The following UNG variants were observed in gnomAD, a reference collection of about 807,000 sequenced individuals.
The protein encoded by UNG is uracil DNA glycosylase, also known as uracil-DNA glycosylase.
In UNG, 34 loss-of-function variants were observed where a neutral mutation model predicts 36.5. The ratio of observed to expected loss-of-function variants is 0.93; its 90% CI spans 0.71 to 1.24. The LOEUF is 1.24. Ranked by LOEUF, UNG falls within the 50% of genes most tolerant of loss-of-function variation. The pLI, the probability that UNG is intolerant of heterozygous loss-of-function variation, is 0.00. For synonymous variants in UNG, 172 were observed against 157.8 expected, an observed-to-expected ratio of 1.09 and a Z score of -0.67; for missense variants, 391 against 397.6, an observed-to-expected ratio of 0.98 and a Z score of 0.14.
intron 6 of UNG, among the ~76,000 whole-genome samples, chr12:109,104,135 G>A (rs1593322630): frequency 6.6e-6 from 1 of 151,332 alleles, no homozygotes; most frequent in East Asian, 1.9e-4. Flanking sequence ...TGCAACCTCC[G>A]CCTGCTGGGT....
chr12:109,102,995 A>C (rs1247590910), intron 5 of UNG, 68 bp downstream of exon 5: 8 of 1,159,826 alleles, frequency 6.9e-6, no homozygotes, highest in African/African-American at 3.5e-5. Context: ...TCTGTTGCCC[A>C]GGCTAGAGTG....
At chr12:109,104,054 G>GATTTTTT (rs2042198780) in intron 6 of UNG, among the ~76,000 whole-genome samples, 2 of 107,102 alleles carry the variant, frequency 1.9e-5, no homozygotes, top group African/African-American at 4.0e-5. Flanking sequence ...TTTGTTTCTG[G>GATTTTTT]GTTTTTTGTT....
chr12:109,106,447 G>A (rs897477539), intron 6 of UNG, among the ~76,000 whole-genome samples: 7 of 151,852 alleles, frequency 4.6e-5, no homozygotes, highest in Admixed American at 1.3e-4. Flanking sequence ...TGATTTGTTC[G>A]TTAGTTTTTA....
At chr12:109,098,275 G>A in intron 1 of UNG, 157 bp from the exon 2 acceptor site, 3 of 1,534,304 alleles carry the variant, frequency 2.0e-6, no homozygotes, top group Non-Finnish European at 1.7e-6. Context: ...TTCCCGGACC[G>A]GGCCCAGCCC....
chr12:109,102,472 G>GAA (rs777944770), intron 4 of UNG, among the ~76,000 whole-genome samples: 9 of 135,774 alleles, frequency 6.6e-5, no homozygotes, highest in East Asian at 2.1e-4. Context: ...AGCAAGACTG[G>GAA]AAAAAAAAAA....
chr12:109,109,989 C>T lies in UNG; in HGVS notation c.*20C>T, dbSNP rs1333598084. On this transcript the variant is annotated 3_prime_UTR_variant, in exon 7 of 7. Transcript: ENST00000242576. Reference sequence around the variant, plus strand: ...CTGTGATCATCAGCTGAGGGGTGGCCTTTGAGAAGCTGCTGTTAACGTATT... The same window carrying T: ...CTGTGATCATCAGCTGAGGGGTGGCTTTTGAGAAGCTGCTGTTAACGTATT... 2 of 1,613,882 alleles carry T rather than the reference C, an allele frequency of 1.2e-6. No individual in the cohort carries two copies. Among genetic ancestry groups the T allele is most frequent in the East Asian group, 2.2e-5 (1 of 44,880 alleles).
chr12:109,102,961 T>G, intron 5 of UNG, 34 bp downstream of exon 5: 1 of 1,516,268 alleles, frequency 6.6e-7, no homozygotes. Context: ...TTTTTTTTTT[T>G]TTTTTTTTGA....
At chr12:109,101,448 G>A (rs1026810631) in intron 3 of UNG, among the ~76,000 whole-genome samples, 16 of 151,426 alleles carry the variant, frequency 1.1e-4, no homozygotes, top group African/African-American at 1.7e-4. Flanking sequence ...GCTCATGCCT[G>A]TAATCCCAGC....
chr12:109,101,412 A>G (rs1364674785), intron 3 of UNG, among the ~76,000 whole-genome samples: 1 of 151,720 alleles, frequency 6.6e-6, no homozygotes, highest in Non-Finnish European at 1.5e-5. Context: ...AATTCATCGA[A>G]AAGTAACTGG....
chr12:109,109,726 T>G (rs1484502084), intron 6 of UNG, 103 bp from the exon 7 acceptor site: 9 of 1,443,142 alleles, frequency 6.2e-6, no homozygotes, highest in Non-Finnish European at 8.5e-6. Flanking sequence ...GAGGTTGCAG[T>G]GAGTCGAGAT....
intron 2 of UNG, 136 bp downstream of exon 2, chr12:109,098,774 G>C (rs576701235): frequency 5.1e-6 from 6 of 1,174,044 alleles, no homozygotes; most frequent in Non-Finnish European, 7.2e-6. Context: ...ACTCACAAAG[G>C]GGGTAAAAGA....
chr12:109,101,184 C>T lies in UNG; in HGVS notation c.436-718C>T, dbSNP rs3219225. Among the ~76,000 whole-genome samples the T allele has an allele frequency of 1.9e-3, 255 of 133,142 alleles. 2 individuals are homozygous for T. The highest frequency in any genetic ancestry group is 6.8e-3 in the African/African-American group (240 of 35,456). 87.3% of individuals were successfully genotyped at this position (133,142 alleles called of 152,430 possible). ...CTCGGCTTACTGCAACCTCCACCCCCTGGGTTCAAGCGATTCTCCTGCCTC... is the reference window on the plus strand; with the variant it reads ...CTCGGCTTACTGCAACCTCCACCCCTTGGGTTCAAGCGATTCTCCTGCCTC... On this transcript the variant is annotated intron_variant, in intron 3 of 6. Coordinates refer to ENST00000242576, the MANE Select transcript of UNG (RefSeq NM_080911.3).
In UNG at chr12:109,097,666, T is replaced by A. The variant is rs369677873; in HGVS notation, c.-14T>A. Reference sequence around the variant, plus strand: ...TCCCGGGTGGCGCGCGTTCGCTGCCTCCTCAGCTCCAGGATGATCGGCCAG... The same window carrying A: ...TCCCGGGTGGCGCGCGTTCGCTGCCACCTCAGCTCCAGGATGATCGGCCAG... On this transcript the variant is annotated 5_prime_UTR_variant, in exon 1 of 7. Coordinates refer to ENST00000242576, the MANE Select transcript of UNG (RefSeq NM_080911.3). 177 of 1,603,808 alleles carry A rather than the reference T, an allele frequency of 1.1e-4. No homozygotes were observed. Among genetic ancestry groups the A allele is most frequent in the South Asian group, 1.3e-4 (12 of 89,756 alleles).
intron 1 of UNG, 58 bp from the exon 2 acceptor site, chr12:109,098,374 G>T (rs1051170277): frequency 1.9e-6 from 3 of 1,602,018 alleles, no homozygotes; most frequent in Non-Finnish European, 2.6e-6. Flanking sequence ...GGAAGCTGCG[G>T]ACGCCTGGGA....
intron 6 of UNG, among the ~76,000 whole-genome samples, chr12:109,105,899 AG>A (rs1238514681): frequency 6.6e-6 from 1 of 152,200 alleles, no homozygotes; most frequent in Non-Finnish European, 1.5e-5. Flanking sequence ...ATCTGATTTC[AG>A]GGGGGTAGAG....
At position 109,110,929 on chromosome 12, in the gene UNG, T is replaced by C. The variant is rs556576726; in HGVS notation, c.*960T>C. 6.6e-6 allele frequency: 1 copy of C among 152,308 alleles called. No individual in the cohort carries two copies. The highest frequency in any genetic ancestry group is 1.5e-5 in the Non-Finnish European group (1 of 68,036). The allele number at this position is 152,308 out of a possible 1,614,324, so 9.4% of individuals were successfully genotyped here. ...CTTGATCTTGTTAGCAATGCTGTTT[T>C]TGCTGTTAGTCGGGTTAGAGTTGGC... On this transcript the variant is annotated 3_prime_UTR_variant, in exon 7 of 7. Transcript: ENST00000242576.
At chr12:109,098,321 C>G (rs748883056) in intron 1 of UNG, 111 bp from the exon 2 acceptor site, 1 of 1,597,792 alleles carries the variant, frequency 6.3e-7, no homozygotes, top group Non-Finnish European at 8.5e-7. Context: ...GGGACCTGTT[C>G]CACAAATGGG....
intron 2 of UNG, among the ~76,000 whole-genome samples, chr12:109,098,898 G>A (rs375795291): frequency 2.0e-5 from 3 of 152,206 alleles, no homozygotes; most frequent in Non-Finnish European, 4.4e-5. Context: ...AAAGGCTGGC[G>A]TAGTAAAATC....
rs1025463515 is a variant in UNG, at chr12:109,109,875, T to A, written c.848T>A (p.Val283Glu). 7 of 1,613,642 alleles carry A rather than the reference T, an allele frequency of 4.3e-6. No homozygotes were observed. The Admixed American group carries it at 1.0e-4, about 23-fold the overall frequency. The change falls in exon 7 of 7, where the codon GTG becomes GAG. Residue 283 changes from valine (V) to glutamate (E), a missense_variant. Val to Glu is a moderately radical substitution (Grantham distance 121). Transcript: ENST00000242576. ...ACGGCTCATCCCTCCCCTTTGTCAG[T>A]GTATAGAGGGTTCTTTGGATGTAGA... ...LQTAHPSPLS[V>E]YRGFFGCRHF...
Sources: gnomAD v4.1 joint callset for allele counts (sites outside exome capture counted in the v4.1 genomes callset) on GRCh38, gnomAD v4.1.1 for gene constraint, MANE v1.5 for transcripts, NCBI Gene and HGNC (gene_info 2026-07-23, HGNC 2026-07-21) for gene names.